Variants in NRG3 observed in about 807,000 individuals in gnomAD.
NRG3 encodes neuregulin 3, also known as pro-neuregulin-3, membrane-bound isoform.
In NRG3, 31 loss-of-function variants were observed where a neutral mutation model predicts 66.9. The observed-to-expected ratio is 0.46, with a 90% CI of 0.35 to 0.63. The LOEUF is 0.63. NRG3 is among the 20% of genes least tolerant of loss of function. The pLI is 0.00. For missense variants in NRG3, 910 were observed against 878.9 expected (o/e 1.04, Z -0.45); for synonymous variants, 393 against 359.4 (o/e 1.09, Z -1.06).
chr10:82,475,910 G>A lies in NRG3; in HGVS notation c.953+117042G>A, dbSNP rs138574037. On this transcript the variant is annotated intron_variant, in intron 2 of 8. Coordinates refer to ENST00000372141, the MANE Select transcript of NRG3 (RefSeq NM_001010848.4). ...CAATAGAGTGAAAAGGCAACCCATG[G>A]AATGGGAGAAAACATTTGAAAATTA... is the stretch of plus-strand genomic sequence containing the variant. Among the ~76,000 whole-genome samples the A allele has an allele frequency of 3.8e-3, 574 of 152,204 alleles. 1 individual carries two copies. Among genetic ancestry groups the A allele is most frequent in the African/African-American group, 0.013 (543 of 41,548 alleles).
At chr10:82,025,860 C>T (rs1036412173) in intron 1 of NRG3, among the ~76,000 whole-genome samples, 4 of 151,874 alleles carry the variant, frequency 2.6e-5, no homozygotes, top group Non-Finnish European at 4.4e-5. Flanking sequence ...GTTTTGATAG[C>T]TGAGCTGGTG....
intron 4 of NRG3, among the ~76,000 whole-genome samples, chr10:82,884,185 T>C (rs1166652858): frequency 6.6e-6 from 1 of 152,154 alleles, no homozygotes; most frequent in African/African-American, 2.4e-5. Flanking sequence ...ATGTTTGTCT[T>C]ACATAACTGC....
At chr10:82,314,088 C>T (rs2081175791) in intron 1 of NRG3, among the ~76,000 whole-genome samples, 1 of 152,188 alleles carries the variant, frequency 6.6e-6, no homozygotes, top group Non-Finnish European at 1.5e-5. Context: ...ATAATAGAAC[C>T]TACTCAGGCT....
chr10:82,565,627 A>G (rs559058452), intron 2 of NRG3, among the ~76,000 whole-genome samples: 3 of 151,932 alleles, frequency 2.0e-5, no homozygotes, highest in Non-Finnish European at 4.4e-5. Context: ...GATCGGCACT[A>G]CCACTCTCAG....
chr10:82,511,832 G>A lies in NRG3; in HGVS notation c.953+152964G>A, dbSNP rs532322833. Among the ~76,000 whole-genome samples, 5 of 151,180 alleles carry A rather than the reference G, an allele frequency of 3.3e-5. No individual in the cohort carries two copies. In the East Asian group the frequency reaches 5.8e-4, roughly 18 times the overall value. On this transcript the variant is annotated intron_variant, in intron 2 of 8. Coordinates refer to ENST00000372141, the MANE Select transcript of NRG3 (RefSeq NM_001010848.4). ...ACTATCAGACACCTCAGCTTCTCTC[G>A]TGTCTACTTTATCTCCCAGTTTAGA...
Position 82,594,007 on chromosome 10 carries a change from T to C in NRG3, c.954-144570T>C, listed in dbSNP as rs138902407. Among the ~76,000 whole-genome samples the C allele has an allele frequency of 7.8e-4, 119 of 152,264 alleles. 1 individual carries two copies. Among genetic ancestry groups the C allele is most frequent in the African/African-American group, 2.5e-3 (103 of 41,578 alleles). ...TAGATGACTTTTATTCTAGAACTGATTTTTGTTTTATGTCAGACTCAGGAC... is the reference window on the plus strand; with the variant it reads ...TAGATGACTTTTATTCTAGAACTGACTTTTGTTTTATGTCAGACTCAGGAC... On this transcript the variant is annotated intron_variant, in intron 2 of 8. Transcript: ENST00000372141.
At chr10:82,190,913 C>T (rs2074104466) in intron 1 of NRG3, among the ~76,000 whole-genome samples, 1 of 152,148 alleles carries the variant, frequency 6.6e-6, no homozygotes, top group South Asian at 2.1e-4. Flanking sequence ...ACAGATATAA[C>T]TCTAGTAGAG....
At chr10:82,805,924 T>G (rs1266011081) in intron 3 of NRG3, among the ~76,000 whole-genome samples, 2 of 152,236 alleles carry the variant, frequency 1.3e-5, no homozygotes, top group African/African-American at 2.4e-5. Context: ...ATGTCACTTC[T>G]ATTGCTAAAA....
chr10:82,967,335 C>T (rs1299163358), intron 6 of NRG3, among the ~76,000 whole-genome samples: 1 of 151,890 alleles, frequency 6.6e-6, no homozygotes, highest in Non-Finnish European at 1.5e-5. Context: ...ATGTCTACCC[C>T]CAAATCTAAT....
chr10:81,882,005 CA>C (rs1842225210), intron 1 of NRG3, among the ~76,000 whole-genome samples: 1 of 152,158 alleles, frequency 6.6e-6, no homozygotes, highest in Non-Finnish European at 1.5e-5. Context: ...GGAGTTTCTT[CA>C]AAGCATTCAA....
intron 1 of NRG3, among the ~76,000 whole-genome samples, chr10:81,897,862 T>C (rs1025305436): frequency 6.6e-6 from 1 of 152,142 alleles, no homozygotes; most frequent in Non-Finnish European, 1.5e-5. Flanking sequence ...GGGAAATTCT[T>C]GTAGATGTAG....
intron 1 of NRG3, among the ~76,000 whole-genome samples, chr10:82,351,589 A>G: frequency 6.6e-6 from 1 of 152,132 alleles, no homozygotes; most frequent in East Asian, 1.9e-4. Flanking sequence ...GAAGTTTAAG[A>G]TCCATCTACA....
At chr10:81,933,947 A>T (rs879170707) in intron 1 of NRG3, among the ~76,000 whole-genome samples, 2 of 152,332 alleles carry the variant, frequency 1.3e-5, no homozygotes, top group African/African-American at 4.8e-5. Context: ...GAAGCCTCTA[A>T]TTTGTGAAAT....
chr10:82,547,216 C>G (rs2043974941), intron 2 of NRG3, among the ~76,000 whole-genome samples: 1 of 151,676 alleles, frequency 6.6e-6, no homozygotes, highest in Non-Finnish European at 1.5e-5. Flanking sequence ...TAATTTTGTT[C>G]TTTTTAAAAT....
At chr10:82,166,764 G>T (rs1239376265) in intron 1 of NRG3, 1 of 680,564 alleles carries the variant, frequency 1.5e-6, no homozygotes, top group Non-Finnish European at 2.7e-6. Flanking sequence ...CCTTCTGCCT[G>T]GAGGACTTGC....
intron 2 of NRG3, among the ~76,000 whole-genome samples, chr10:82,441,303 A>G (rs367964047): frequency 7.9e-5 from 12 of 152,340 alleles, no homozygotes; most frequent in African/African-American, 2.9e-4. Context: ...TACACATATA[A>G]GGGATTTCGG....
chr10:82,070,272 A>T (rs1456211809), intron 1 of NRG3, among the ~76,000 whole-genome samples: 1 of 152,130 alleles, frequency 6.6e-6, no homozygotes, highest in Non-Finnish European at 1.5e-5. Context: ...CATGAGTACC[A>T]GGGAGAATGA....
chr10:82,704,224 C>T (rs1344022580), intron 2 of NRG3, among the ~76,000 whole-genome samples: 1 of 151,968 alleles, frequency 6.6e-6, no homozygotes, highest in Non-Finnish European at 1.5e-5. Context: ...TGATACATTC[C>T]ACCAACCACA....
chr10:82,701,968 G>T (rs2055916002), intron 2 of NRG3, among the ~76,000 whole-genome samples: 1 of 152,288 alleles, frequency 6.6e-6, no homozygotes, highest in Non-Finnish European at 1.5e-5. Flanking sequence ...GATGGAGTTA[G>T]TATTTGAACC....
Sources: gnomAD v4.1 joint callset for allele counts (sites outside exome capture counted in the v4.1 genomes callset) on GRCh38, gnomAD v4.1.1 for gene constraint, MANE v1.5 for transcripts, NCBI Gene and HGNC (gene_info 2026-07-23, HGNC 2026-07-21) for gene names.